The following PTPRT variants were observed in gnomAD, a reference collection of about 807,000 sequenced individuals.
PTPRT encodes the protein receptor-type tyrosine-protein phosphatase T.
In PTPRT, 56 loss-of-function variants were observed where a neutral mutation model predicts 176.8. That is an observed-to-expected ratio of 0.32 (90% CI 0.26 to 0.40). PTPRT has a LOEUF of 0.40. Among genes scored for constraint, PTPRT ranks in the 10% least tolerant of loss-of-function variants. PTPRT has a pLI of 1.00. For missense variants in PTPRT, 1,540 were observed against 1,908.2 expected (o/e 0.81, Z 3.60); for synonymous variants, 783 against 739.0 (o/e 1.06, Z -0.96).
At chr20:42,102,678 G>A (rs1303905178) in intron 25 of PTPRT, among the ~76,000 whole-genome samples, 1 of 152,160 alleles carries the variant, frequency 6.6e-6, no homozygotes, top group African/African-American at 2.4e-5. Flanking sequence ...CCCTACTGAG[G>A]GCTAAACATC....
At chr20:42,679,450 A>C (rs998197865) in intron 6 of PTPRT, among the ~76,000 whole-genome samples, 1 of 152,212 alleles carries the variant, frequency 6.6e-6, no homozygotes, top group Non-Finnish European at 1.5e-5. Flanking sequence ...CTTTAAAAAA[A>C]TCAAACTGAA....
chr20:43,092,288 C>T (rs11905660), intron 1 of PTPRT, among the ~76,000 whole-genome samples: 7,956 of 152,254 alleles, frequency 0.052, 720 homozygotes, highest in African/African-American at 0.18. Flanking sequence ...GTGTACTCAT[C>T]GGCTTCCATC....
intron 6 of PTPRT, 52 bp downstream of exon 6, chr20:42,756,410 C>T: frequency 6.9e-7 from 1 of 1,449,444 alleles, no homozygotes; most frequent in East Asian, 2.5e-5. Context: ...GCTTTAAGGC[C>T]CATTAATGCC....
intron 5 of PTPRT, among the ~76,000 whole-genome samples, chr20:42,757,803 C>A (rs1302507282): frequency 6.6e-6 from 1 of 152,210 alleles, no homozygotes; most frequent in Non-Finnish European, 1.5e-5. Flanking sequence ...TGAGTTTGAA[C>A]AAACCTCTTT....
chr20:42,483,273 C>T lies in PTPRT; in HGVS notation c.1154-10711G>A, dbSNP rs35595028. ...TTCCACTTCCCAGGTTCAAGGGATT[C>T]GCCTGCCTCTGCCTCCCAAATAGCT... On this transcript the variant is annotated intron_variant, in intron 7 of 30. Coordinates refer to ENST00000373187, the MANE Select transcript of PTPRT (RefSeq NM_007050.6). 2.1e-3 allele frequency among the ~76,000 whole-genome samples: 322 copies of T among 152,220 alleles called. 1 individual carries two copies. The highest frequency in any genetic ancestry group is 5.6e-3 in the Admixed American group (85 of 15,288).
At chr20:43,005,178 G>C (rs1984788740) in intron 1 of PTPRT, among the ~76,000 whole-genome samples, 1 of 152,136 alleles carries the variant, frequency 6.6e-6, no homozygotes, top group Middle Eastern at 3.4e-3. Flanking sequence ...TTAAATCCCA[G>C]CTCTTCCTCC....
intron 7 of PTPRT, among the ~76,000 whole-genome samples, chr20:42,487,779 T>C (rs929184607): frequency 1.3e-5 from 2 of 152,152 alleles, no homozygotes; most frequent in African/African-American, 4.8e-5. Flanking sequence ...AAATCAGTGT[T>C]AACTGCTACG....
chr20:42,819,142 A>T (rs1424980813), intron 2 of PTPRT, among the ~76,000 whole-genome samples: 1 of 152,214 alleles, frequency 6.6e-6, no homozygotes, highest in Admixed American at 6.5e-5. Flanking sequence ...TATTAAGGGC[A>T]GACAGAGAGA....
chr20:42,935,224 C>T (rs920150188), intron 1 of PTPRT, among the ~76,000 whole-genome samples: 1 of 119,320 alleles, frequency 8.4e-6, no homozygotes, highest in African/African-American at 3.2e-5. Flanking sequence ...ACTGTAACCT[C>T]ATATTCCTGG....
At chr20:42,180,378 T>C (rs1318433541) in intron 16 of PTPRT, among the ~76,000 whole-genome samples, 1 of 152,186 alleles carries the variant, frequency 6.6e-6, no homozygotes, top group Non-Finnish European at 1.5e-5. Flanking sequence ...TTTAGTCAGA[T>C]GTCATCTTCT....
chr20:42,199,303 T>C lies in PTPRT; in HGVS notation c.2428A>G (p.Lys810Glu). ...PVASADKPTT[K>E]LSASRNDEGF... ...TCATCATTGCGGCTGGCGCTGAGCT[T>C]GGTGGTGGGTTTGTCGGCAGAGGCC... The change falls in exon 16 of 31, where the codon AAG becomes GAG. Residue 810 changes from lysine (K) to glutamate (E), a missense_variant. Transcript: ENST00000373187. 3 of 1,614,204 alleles carry C rather than the reference T, an allele frequency of 1.9e-6. No homozygotes were observed. The highest frequency in any genetic ancestry group is 2.5e-6 in the Non-Finnish European group (3 of 1,180,032).
chr20:42,694,454 A>G (rs1198586857), intron 6 of PTPRT, among the ~76,000 whole-genome samples: 2 of 152,178 alleles, frequency 1.3e-5, no homozygotes, highest in Non-Finnish European at 2.9e-5. Flanking sequence ...TTCTCCCGTT[A>G]AGGGTCATCT....
intron 1 of PTPRT, among the ~76,000 whole-genome samples, chr20:42,894,074 A>G (rs2079248552): frequency 6.6e-6 from 1 of 152,156 alleles, no homozygotes; most frequent in Admixed American, 6.5e-5. Flanking sequence ...GATCACATGA[A>G]GGGCCAAAAC....
At chr20:42,797,393 G>C (rs2145572864) in intron 2 of PTPRT, among the ~76,000 whole-genome samples, 1 of 152,258 alleles carries the variant, frequency 6.6e-6, no homozygotes, top group East Asian at 1.9e-4. Flanking sequence ...AGCCAACCGT[G>C]ACATGTTCTC....
chr20:42,618,975 C>A (rs2074135375), intron 7 of PTPRT, among the ~76,000 whole-genome samples: 1 of 151,524 alleles, frequency 6.6e-6, no homozygotes, highest in Non-Finnish European at 1.5e-5. Context: ...GAATTTGATC[C>A]TGTCATTATG....
At chr20:42,411,434 T>C (rs2059015441) in intron 9 of PTPRT, among the ~76,000 whole-genome samples, 1 of 149,858 alleles carries the variant, frequency 6.7e-6, no homozygotes, top group Non-Finnish European at 1.5e-5. Context: ...GGAGAATCAC[T>C]TGAACCAGGG....
chr20:42,719,974 A>G (rs890762188), intron 6 of PTPRT, among the ~76,000 whole-genome samples: 2 of 152,198 alleles, frequency 1.3e-5, no homozygotes, highest in Non-Finnish European at 2.9e-5. Flanking sequence ...ACTCACATGC[A>G]TTTGGGCAAG....
intron 2 of PTPRT, among the ~76,000 whole-genome samples, chr20:42,791,869 T>C (rs1199834768): frequency 6.6e-6 from 1 of 152,236 alleles, no homozygotes; most frequent in Non-Finnish European, 1.5e-5. Flanking sequence ...TTTCCAATTC[T>C]TTATCCCTCC....
intron 1 of PTPRT, among the ~76,000 whole-genome samples, chr20:43,160,351 C>T (rs960688476): frequency 2.6e-5 from 4 of 152,232 alleles, no homozygotes; most frequent in African/African-American, 7.2e-5. Context: ...TTAATAACTA[C>T]TCTCTGTTTA....
Sources: gnomAD v4.1 joint callset for allele counts (sites outside exome capture counted in the v4.1 genomes callset) on GRCh38, gnomAD v4.1.1 for gene constraint, MANE v1.5 for transcripts, NCBI Gene and HGNC (gene_info 2026-07-23, HGNC 2026-07-21) for gene names.